The following SOD3 variants were observed in gnomAD, a reference collection of about 807,000 sequenced individuals.
SOD3 encodes the protein extracellular superoxide dismutase [Cu-Zn].
SOD3 carries 3 observed loss-of-function variants against 2.6 expected under a neutral mutation model. That is an observed-to-expected ratio of 1.13 (90% CI 0.52 to 2.93). The LOEUF is 2.93. SOD3 is among the 30% of genes most tolerant of loss of function. The pLI, the probability that SOD3 is intolerant of heterozygous loss-of-function variation, is 0.04. For synonymous variants in SOD3, 188 were observed against 177.5 expected, an observed-to-expected ratio of 1.06 and a Z score of -0.47; for missense variants, 379 against 370.4, an observed-to-expected ratio of 1.02 and a Z score of -0.19.
intron 1 of SOD3, among the ~76,000 whole-genome samples, chr4:24,796,197 T>C (rs925252200): frequency 2.0e-5 from 3 of 152,126 alleles, no homozygotes; most frequent in Non-Finnish European, 4.4e-5. Context: ...CTTTCTCTGA[T>C]AACACTGTCC....
Position 24,799,486 on chromosome 4 carries a change from T to C in SOD3, c.-16-20T>C. 6.3e-7 allele frequency: 1 copy of C among 1,592,108 alleles called. No individual in the cohort carries two copies. Among genetic ancestry groups the C allele is most frequent in the Non-Finnish European group, 8.5e-7 (1 of 1,176,656 alleles). On this transcript the variant is annotated intron_variant, in intron 1 of 1. Transcript: ENST00000382120. ...GACTAAGCCTCACTCTGCCCCCACC[T>C]CCGCGGGGGCGTCCCGCAGGTGCCC...
intron 1 of SOD3, among the ~76,000 whole-genome samples, chr4:24,796,777 C>T (rs1189817045): frequency 6.6e-6 from 1 of 152,064 alleles, no homozygotes; most frequent in Admixed American, 6.5e-5. Flanking sequence ...CAGAGAAAAA[C>T]ATCTCCTTAA....
Position 24,796,438 on chromosome 4 carries a change from T to C in SOD3, c.-17+787T>C, listed in dbSNP as rs1029587747. Among the ~76,000 whole-genome samples, 17 of 115,396 alleles carry C rather than the reference T, an allele frequency of 1.5e-4. No individual in the cohort carries two copies. In the East Asian group the frequency reaches 2.1e-3, roughly 14 times the overall value. 75.7% of individuals were successfully genotyped at this position (115,396 alleles called of 152,430 possible). ...TCCTCCTCCTCCTCCTTCTTCTCTT[T>C]TTTTTTTTTTTTTTTTTTTTTTTGA... On this transcript the variant is annotated intron_variant, in intron 1 of 1. Transcript: ENST00000382120.
chr4:24,800,311 T>C lies in SOD3; in HGVS notation c.*67T>C. On this transcript the variant is annotated 3_prime_UTR_variant, in exon 2 of 2. Coordinates refer to ENST00000382120, the MANE Select transcript of SOD3 (RefSeq NM_003102.4). Reference sequence around the variant, plus strand: ...CCCCTCTGCCTTTGAGCTTCTCCTCTGCTCCAACAGACACCCTCCACTCTG... The same window carrying C: ...CCCCTCTGCCTTTGAGCTTCTCCTCCGCTCCAACAGACACCCTCCACTCTG... 1 of 1,327,944 alleles carries C rather than the reference T, an allele frequency of 7.5e-7. No individual in the cohort carries two copies. Among genetic ancestry groups the C allele is most frequent in the Middle Eastern group, 2.9e-4 (1 of 3,458 alleles). 82.3% of individuals were successfully genotyped at this position (1,327,944 alleles called of 1,614,324 possible). A position where few individuals can be genotyped will look rare whatever the true frequency, so the allele number is the denominator to read the frequency against.
At position 24,800,075 on chromosome 4, in the gene SOD3, A is replaced by T. The variant is rs1308164566; in HGVS notation, c.554A>T (p.Asp185Val). The change falls in exon 2 of 2, where the codon GAC (aspartate) becomes GTC (valine). Residue 185 changes from aspartate to valine, a missense_variant. Transcript: ENST00000382120. ...GCCGTGGTCGTCCACGCTGGCGAGG[A>T]CGACCTGGGCCGCGGCGGCAACCAG... is the stretch of plus-strand genomic sequence containing the variant. ...GRAVVVHAGE[D>V]DLGRGGNQAS... The T allele has an allele frequency of 7.0e-7, 1 of 1,428,338 alleles. No homozygotes were observed. Among genetic ancestry groups the T allele is most frequent in the African/African-American group, 1.5e-5 (1 of 66,130 alleles). 88.5% of individuals were successfully genotyped at this position (1,428,338 alleles called of 1,614,324 possible). A position where few individuals can be genotyped will look rare whatever the true frequency, so the allele number is the denominator to read the frequency against.
At chr4:24,796,604 A>C (rs1304262207) in intron 1 of SOD3, among the ~76,000 whole-genome samples, 3 of 142,380 alleles carry the variant, frequency 2.1e-5, no homozygotes, top group Non-Finnish European at 4.6e-5. Flanking sequence ...CTACAGGCAC[A>C]TGCCACCACA....
intron 1 of SOD3, among the ~76,000 whole-genome samples, chr4:24,797,935 C>T (rs536478883): frequency 2.6e-5 from 4 of 152,234 alleles, no homozygotes; most frequent in Non-Finnish European, 4.4e-5. Flanking sequence ...TCAGTAACCC[C>T]GTGAAGTCAC....
chr4:24,796,428 T>TTC (rs1560188907), intron 1 of SOD3, among the ~76,000 whole-genome samples: 1 of 135,028 alleles, frequency 7.4e-6, no homozygotes, highest in Non-Finnish European at 1.5e-5. Context: ...CTCCTCCTCC[T>TTC]TCTTCTCTTT....
chr4:24,800,467 T>C lies in SOD3; in HGVS notation c.*223T>C. 1 of 403,244 alleles carries C rather than the reference T, an allele frequency of 2.5e-6. No individual in the cohort carries two copies. The highest frequency in any genetic ancestry group is 4.5e-6 in the Non-Finnish European group (1 of 223,158). The allele number at this position is 403,244 out of a possible 1,614,324, so 25.0% of individuals were successfully genotyped here. On this transcript the variant is annotated 3_prime_UTR_variant, in exon 2 of 2. Transcript: ENST00000382120. ...CTCGGAGCCCCCCACTCAGTAGGTC[T>C]GAAGGCCTCCATTTGTACCGAAACA... is the stretch of plus-strand genomic sequence containing the variant.
Position 24,800,221 on chromosome 4 carries a change from G to T in SOD3, c.700G>T (p.Glu234Ter), listed in dbSNP as rs764203331. Residue 234 changes from glutamate to a stop codon, truncating the protein, a stop_gained, in exon 2 of 2, where the codon GAG becomes TAG. Coordinates refer to ENST00000382120, the MANE Select transcript of SOD3 (RefSeq NM_003102.4). LOFTEE classifies it high-confidence loss of function. ...CTCAGAGCGCAAGAAGCGGCGGCGC[G>T]AGAGCGAGTGCAAGGCCGCCTGAGC... ...EHSERKKRRRESECKAA is the reference protein window; with the variant it reads ...EHSERKKRRR 1.1e-5 allele frequency: 16 copies of T among 1,429,782 alleles called. No homozygotes were observed. The South Asian group carries it at 2.4e-4, about 21-fold the overall frequency. The allele number at this position is 1,429,782 out of a possible 1,614,324, so 88.6% of individuals were successfully genotyped here.
Position 24,799,630 on chromosome 4 carries a change from G to C in SOD3, c.109G>C (p.Asp37His), listed in dbSNP as rs1713773956. The C allele has an allele frequency of 2.5e-6, 4 of 1,605,368 alleles. No homozygotes were observed. The highest frequency in any genetic ancestry group is 2.5e-6 in the Non-Finnish European group (3 of 1,178,526). ...PNSDSAEWIRDMYAKVTEIWQ... is the reference protein window; with the variant it reads ...PNSDSAEWIRHMYAKVTEIWQ... Reference sequence around the variant, plus strand: ...CTCTGACTCGGCGGAGTGGATCCGAGACATGTACGCCAAGGTCACGGAGAT... The same window carrying C: ...CTCTGACTCGGCGGAGTGGATCCGACACATGTACGCCAAGGTCACGGAGAT... The change falls in exon 2 of 2, where the codon GAC (aspartate) becomes CAC (histidine). Residue 37 changes from aspartate (D) to histidine (H), a missense_variant. Coordinates refer to ENST00000382120, the MANE Select transcript of SOD3 (RefSeq NM_003102.4).
chr4:24,798,504 G>T (rs1355274357), intron 1 of SOD3, among the ~76,000 whole-genome samples: 2 of 151,828 alleles, frequency 1.3e-5, no homozygotes, highest in African/African-American at 4.8e-5. Flanking sequence ...TTCCTGCTTG[G>T]GTTACTACAA....
At position 24,800,361 on chromosome 4, in the gene SOD3, A is replaced by T; in HGVS notation, c.*117A>T. The stretch of plus-strand genomic sequence containing the variant: ...GAGGTCTCACCTTCGCCTTTGCTGA[A>T]GTCTCCCCGCAGCCCTCTCCACCCA... On this transcript the variant is annotated 3_prime_UTR_variant, in exon 2 of 2. Coordinates refer to ENST00000382120, the MANE Select transcript of SOD3 (RefSeq NM_003102.4). 2 of 1,087,356 alleles carry T rather than the reference A, an allele frequency of 1.8e-6. No individual in the cohort carries two copies. Among genetic ancestry groups the T allele is most frequent in the South Asian group, 5.9e-5 (2 of 33,810 alleles). 67.4% of individuals were successfully genotyped at this position (1,087,356 alleles called of 1,614,324 possible). A position where few individuals can be genotyped will look rare whatever the true frequency, so the allele number is the denominator to read the frequency against.
intron 1 of SOD3, among the ~76,000 whole-genome samples, chr4:24,798,128 T>C (rs1313196234): frequency 2.6e-5 from 4 of 152,044 alleles, no homozygotes; most frequent in African/African-American, 7.2e-5. Context: ...TCAAAATCTC[T>C]TGGGGTGGGG....
In SOD3 at chr4:24,800,344, A is replaced by C; in HGVS notation, c.*100A>C. The C allele has an allele frequency of 3.4e-5, 41 of 1,203,684 alleles. No individual in the cohort carries two copies. The highest frequency in any genetic ancestry group is 3.9e-5 in the Non-Finnish European group (36 of 931,992). The allele number at this position is 1,203,684 out of a possible 1,614,324, so 74.6% of individuals were successfully genotyped here. A position where few individuals can be genotyped will look rare whatever the true frequency, so the allele number is the denominator to read the frequency against. ...CAGACACCCTCCACTCTGAGGTCTC[A>C]CCTTCGCCTTTGCTGAAGTCTCCCC... On this transcript the variant is annotated 3_prime_UTR_variant, in exon 2 of 2. Transcript: ENST00000382120.
chr4:24,800,384 C>G lies in SOD3; in HGVS notation c.*140C>G. 1.1e-6 allele frequency: 1 copy of G among 884,862 alleles called. No individual in the cohort carries two copies. The highest frequency in any genetic ancestry group is 1.5e-6 in the Non-Finnish European group (1 of 646,102). The allele number at this position is 884,862 out of a possible 1,614,324, so 54.8% of individuals were successfully genotyped here. A position where few individuals can be genotyped will look rare whatever the true frequency, so the allele number is the denominator to read the frequency against. ...GAAGTCTCCCCGCAGCCCTCTCCAC[C>G]CAGAGGTCTCCCTATACCGAGACCC... On this transcript the variant is annotated 3_prime_UTR_variant, in exon 2 of 2. Transcript: ENST00000382120.
chr4:24,799,600 C>T lies in SOD3; in HGVS notation c.79C>T (p.Pro27Ser). Residue 27 changes from proline (P) to serine (S), a missense_variant, in exon 2 of 2, where the codon CCC (proline) becomes TCC (serine). Coordinates refer to ENST00000382120, the MANE Select transcript of SOD3 (RefSeq NM_003102.4). ...CTGGACGGGCGAGGACTCGGCGGAG[C>T]CCAACTCTGACTCGGCGGAGTGGAT... is the stretch of plus-strand genomic sequence containing the variant. ...DAWTGEDSAEPNSDSAEWIRD... is the reference protein window; with the variant it reads ...DAWTGEDSAESNSDSAEWIRD... 1 of 1,604,258 alleles carries T rather than the reference C, an allele frequency of 6.2e-7. No individual in the cohort carries two copies. The highest frequency in any genetic ancestry group is 8.5e-7 in the Non-Finnish European group (1 of 1,178,604).
Position 24,800,472 on chromosome 4 carries a change from G to A in SOD3, c.*228G>A. 2.5e-6 allele frequency: 1 copy of A among 397,022 alleles called. No individual in the cohort carries two copies. Among genetic ancestry groups the A allele is most frequent in the Non-Finnish European group, 4.6e-6 (1 of 218,580 alleles). 24.6% of individuals were successfully genotyped at this position (397,022 alleles called of 1,614,324 possible). A position where few individuals can be genotyped will look rare whatever the true frequency, so the allele number is the denominator to read the frequency against. ...AGCCCCCCACTCAGTAGGTCTGAAG[G>A]CCTCCATTTGTACCGAAACACCCCG... On this transcript the variant is annotated 3_prime_UTR_variant, in exon 2 of 2. Transcript: ENST00000382120.
intron 1 of SOD3, among the ~76,000 whole-genome samples, 179 bp downstream of exon 1, chr4:24,795,830 G>T (rs1480361920): frequency 6.6e-6 from 1 of 152,138 alleles, no homozygotes; most frequent in East Asian, 1.9e-4. Flanking sequence ...CGGGGAGGAA[G>T]GCAAGGAGGG....
Sources: allele counts gnomAD v4.1 joint callset (sites outside exome capture counted in the v4.1 genomes callset), GRCh38; gene constraint gnomAD v4.1.1; transcripts MANE v1.5; gene names NCBI Gene and HGNC (gene_info 2026-07-23, HGNC 2026-07-21).